DPP4: variants seen among roughly 807,000 people sequenced by gnomAD.
DPP4 encodes the protein dipeptidyl peptidase 4, also known as ADCP-2.
DPP4 carries 93 observed loss-of-function variants against 122.4 expected under a neutral mutation model. The ratio of observed to expected loss-of-function variants is 0.76; its 90% CI spans 0.64 to 0.90. DPP4 has a LOEUF of 0.90. Ranked by LOEUF, DPP4 falls within the 40% of genes least tolerant of loss-of-function variation. The pLI is 0.00. For missense variants in DPP4, 914 were observed against 907.3 expected (o/e 1.01, Z -0.09); for synonymous variants, 321 against 302.9 (o/e 1.06, Z -0.62).
chr2:162,067,980 G>T (rs188267060), intron 2 of DPP4, among the ~76,000 whole-genome samples: 22 of 152,124 alleles, frequency 1.4e-4, no homozygotes, highest in Non-Finnish European at 1.0e-4. Context: ...AAACTTTCAC[G>T]TGTAAAAAGT....
At chr2:162,064,527 T>G (rs1349856028) in intron 2 of DPP4, among the ~76,000 whole-genome samples, 1 of 152,224 alleles carries the variant, frequency 6.6e-6, no homozygotes, top group African/African-American at 2.4e-5. Context: ...TGGGTTAACT[T>G]TAGCAGATCT....
rs565396284 is a variant in DPP4, at chr2:162,052,411, G to A, written c.95-4910C>T. On this transcript the variant is annotated intron_variant, in intron 2 of 25. Transcript: ENST00000360534. ...GACCCTCTACCTTTCACCATGTGGG[G>A]ATGCTGCCTGGAGAGACAATGCCTT... is the stretch of plus-strand genomic sequence containing the variant. Among the ~76,000 whole-genome samples the A allele has an allele frequency of 3.5e-3, 534 of 152,072 alleles. 15 individuals are homozygous for A. Among genetic ancestry groups the A allele is most frequent in the Non-Finnish European group, 1.5e-3 (101 of 68,000 alleles).
chr2:161,993,443 A>T, intron 25 of DPP4, 59 bp from the exon 26 acceptor site: 1 of 1,180,534 alleles, frequency 8.5e-7, no homozygotes. Flanking sequence ...TTAAAAAAAA[A>T]AATACGTAAA....
chr2:162,074,198 C>G lies in DPP4; in HGVS notation c.-217G>C. On this transcript the variant is annotated 5_prime_UTR_variant, in exon 1 of 26. Coordinates refer to ENST00000360534, the MANE Select transcript of DPP4 (RefSeq NM_001935.4). ...AGGGCAGGCGGCGCGGGAGCAGGCG[C>G]GCGTGGCGCGGGGCACTGGCATCCC... The G allele has an allele frequency of 4.1e-6, 5 of 1,230,194 alleles. No individual in the cohort carries two copies. The highest frequency in any genetic ancestry group is 4.1e-6 in the Non-Finnish European group (4 of 987,148). The allele number at this position is 1,230,194 out of a possible 1,614,324, so 76.2% of individuals were successfully genotyped here.
Position 162,024,954 on chromosome 2 carries a change from G to C in DPP4, c.888-15C>G. Reference sequence around the variant, plus strand: ...AGTAGTGATCCCTGGAAGGAAGAAAGAAAGGAAGGACAGAGAGAGAGAATG... The same window carrying C: ...AGTAGTGATCCCTGGAAGGAAGAAACAAAGGAAGGACAGAGAGAGAGAATG... On this transcript the variant is annotated splice_polypyrimidine_tract_variant and intron_variant, in intron 10 of 25. Coordinates refer to ENST00000360534, the MANE Select transcript of DPP4 (RefSeq NM_001935.4). 2.5e-6 allele frequency: 4 copies of C among 1,611,070 alleles called. No individual in the cohort carries two copies. Among genetic ancestry groups the C allele is most frequent in the Non-Finnish European group, 2.5e-6 (3 of 1,179,740 alleles).
chr2:162,001,928 TCTC>T (rs1205641457), intron 23 of DPP4, among the ~76,000 whole-genome samples: 2 of 152,178 alleles, frequency 1.3e-5, no homozygotes, highest in Non-Finnish European at 2.9e-5. Flanking sequence ...GGGATGAACA[TCTC>T]CTTTCATCTT....
At chr2:162,008,724 C>T in intron 21 of DPP4, 63 bp from the exon 22 acceptor site, 5 of 1,412,530 alleles carry the variant, frequency 3.5e-6, no homozygotes, top group East Asian at 2.3e-5. Context: ...GTAAGCGAGT[C>T]GCAGTTTCCA....
At chr2:162,028,076 A>T (rs1210875812) in intron 10 of DPP4, among the ~76,000 whole-genome samples, 2 of 151,860 alleles carry the variant, frequency 1.3e-5, no homozygotes, top group Admixed American at 1.3e-4. Flanking sequence ...AAAAAACAAA[A>T]AACTGCCAGG....
At chr2:162,069,395 G>A (rs2106161463) in intron 2 of DPP4, among the ~76,000 whole-genome samples, 1 of 152,278 alleles carries the variant, frequency 6.6e-6, no homozygotes, top group Admixed American at 6.5e-5. Flanking sequence ...CATAAAATTT[G>A]AAAGACACGA....
In DPP4 at chr2:162,045,525, AT is replaced by A. The variant is rs1252423384; in HGVS notation, c.366+6del. 2.5e-6 allele frequency: 4 copies of A among 1,592,878 alleles called. No individual in the cohort carries two copies. Among genetic ancestry groups the A allele is most frequent in the Admixed American group, 1.7e-5 (1 of 59,828 alleles). Reference sequence around the variant, plus strand: ...TAAATGTTACAGTAAGAAAGCATTTATTTTACCTTCACGTAGTTGTATTCTA... The same window carrying A: ...TAAATGTTACAGTAAGAAAGCATTTATTTACCTTCACGTAGTTGTATTCTA... On this transcript the variant is annotated splice_donor_region_variant and intron_variant, in intron 5 of 25. Transcript: ENST00000360534.
chr2:162,005,804 C>T lies in DPP4; in HGVS notation c.1993G>A (p.Val665Met), dbSNP rs1701269091. 1.9e-6 allele frequency: 3 copies of T among 1,612,076 alleles called. No individual in the cohort carries two copies. Among genetic ancestry groups the T allele is most frequent in the Non-Finnish European group, 2.5e-6 (3 of 1,179,218 alleles). The change falls in exon 23 of 26, where the codon GTG (valine) becomes ATG (methionine). Residue 665 changes from valine (V) to methionine (M), a missense_variant. Coordinates refer to ENST00000360534, the MANE Select transcript of DPP4 (RefSeq NM_001935.4). ...AGACCCATGTAACGTTCTGTGTACA[C>T]TGAGTCTGTGAAAGAAAAAAAAATA... Reference protein sequence around the residue: ...PVSRWEYYDSVYTERYMGLPT... With the variant: ...PVSRWEYYDSMYTERYMGLPT...
chr2:162,037,325 G>T (rs1683815470), intron 8 of DPP4, among the ~76,000 whole-genome samples: 1 of 152,104 alleles, frequency 6.6e-6, no homozygotes. Context: ...CTGGAGGCTG[G>T]GTTGTGCTGT....
rs556532178 is a variant in DPP4 at position 162,046,765 on chromosome 2, G to A, written c.285+150C>T. On this transcript the variant is annotated intron_variant, in intron 4 of 25. Coordinates refer to ENST00000360534, the MANE Select transcript of DPP4 (RefSeq NM_001935.4). ...GAGACTAAAAAGTAGCCAAGGCAGG[G>A]AGCATTTCAAGAAGGAGAGAAAGAT... 22 of 695,888 alleles carry A rather than the reference G, an allele frequency of 3.2e-5. No homozygotes were observed. The African/African-American group carries it at 3.5e-4, about 11-fold the overall frequency. 43.1% of individuals were successfully genotyped at this position (695,888 alleles called of 1,614,324 possible). A position where few individuals can be genotyped will look rare whatever the true frequency, so the allele number is the denominator to read the frequency against.
At chr2:162,063,405 T>G in intron 2 of DPP4, among the ~76,000 whole-genome samples, 1 of 150,694 alleles carries the variant, frequency 6.6e-6, no homozygotes. Flanking sequence ...GCCATGGGAG[T>G]GGATGAGGTC....
At chr2:162,061,880 A>G (rs1343106810) in intron 2 of DPP4, among the ~76,000 whole-genome samples, 1 of 152,228 alleles carries the variant, frequency 6.6e-6, no homozygotes, top group Non-Finnish European at 1.5e-5. Context: ...AAGCAATGCC[A>G]TATGCTAGGT....
intron 2 of DPP4, among the ~76,000 whole-genome samples, chr2:162,072,171 G>T (rs1410861955): frequency 1.3e-5 from 2 of 152,154 alleles, no homozygotes; most frequent in Non-Finnish European, 2.9e-5. Flanking sequence ...CTAACGCGGT[G>T]CCTGGAACAT....
intron 16 of DPP4, 71 bp downstream of exon 16, chr2:162,018,658 G>T: frequency 6.5e-7 from 1 of 1,546,912 alleles, no homozygotes; most frequent in East Asian, 2.3e-5. Context: ...AGATTCAAAA[G>T]GAATAGAGGG....
At position 162,008,637 on chromosome 2, in the gene DPP4, T is replaced by C. The variant is rs1701344023; in HGVS notation, c.1912A>G (p.Met638Val). Residue 638 changes from methionine (M) to valine (V), a missense_variant, in exon 22 of 26, where the codon ATG (methionine) becomes GTG (valine). Met to Val is a conservative substitution (Grantham distance 21). Transcript: ENST00000360534. ...ACGCCACTTCCCGATCCCAGGACCA[T>C]TGAGGTTACGTACCCTCCATATGAC... ...GWSYGGYVTS[M>V]VLGSGSGVFK... is the part of the protein sequence containing the mutation. The C allele has an allele frequency of 6.8e-6, 11 of 1,613,556 alleles. No homozygotes were observed. Among genetic ancestry groups the C allele is most frequent in the Admixed American group, 5.0e-5 (3 of 59,938 alleles).
At chr2:162,011,295 T>G (rs1206028392) in intron 20 of DPP4, among the ~76,000 whole-genome samples, 1 of 152,084 alleles carries the variant, frequency 6.6e-6, no homozygotes, top group African/African-American at 2.4e-5. Context: ...ATGGTTGTGC[T>G]CCACAATTTT....
Sources: allele counts gnomAD v4.1 joint callset (sites outside exome capture counted in the v4.1 genomes callset), GRCh38; gene constraint gnomAD v4.1.1; transcripts MANE v1.5; gene names NCBI Gene and HGNC (gene_info 2026-07-23, HGNC 2026-07-21).